LIN7A: variants seen among roughly 807,000 people sequenced by gnomAD.
LIN7A encodes the protein lin-7 cell polarity scaffold A, also known as protein lin-7 homolog A.
LIN7A carries 25 observed loss-of-function variants against 29.8 expected under a neutral mutation model. That is an observed-to-expected ratio of 0.84 (90% CI 0.61 to 1.17). The LOEUF (loss-of-function observed/expected upper bound fraction) is 1.17. LIN7A is among the 50% of genes most tolerant of loss of function. LIN7A has a pLI of 0.00. For synonymous variants in LIN7A, 118 were observed against 107.5 expected (o/e 1.10, Z -0.60); for missense variants, 239 against 287.0 (o/e 0.83, Z 1.21).
At chr12:80,874,701 C>T (rs1364848107) in intron 2 of LIN7A, among the ~76,000 whole-genome samples, 2 of 152,088 alleles carry the variant, frequency 1.3e-5, no homozygotes, top group South Asian at 2.1e-4. Context: ...AATAATGTTT[C>T]GGCTGGCCGC....
intron 2 of LIN7A, among the ~76,000 whole-genome samples, chr12:80,871,465 A>G (rs1434675807): frequency 6.6e-6 from 1 of 152,126 alleles, no homozygotes; most frequent in South Asian, 2.1e-4. Flanking sequence ...CCAATTAAAT[A>G]GTTTTATATA....
chr12:80,881,252 A>T (rs921101872), intron 2 of LIN7A, among the ~76,000 whole-genome samples: 1 of 152,374 alleles, frequency 6.6e-6, no homozygotes, highest in Admixed American at 6.5e-5. Context: ...CTTATCACAC[A>T]AGAAACAGTC....
intron 4 of LIN7A, among the ~76,000 whole-genome samples, chr12:80,814,043 A>C (rs1316253808): frequency 6.6e-6 from 1 of 152,176 alleles, no homozygotes; most frequent in Non-Finnish European, 1.5e-5. Context: ...AAATTGAGTT[A>C]CAGAAAAATA....
At chr12:80,809,929 G>A (rs1209185453) in intron 5 of LIN7A, among the ~76,000 whole-genome samples, 7 of 152,090 alleles carry the variant, frequency 4.6e-5, no homozygotes, top group African/African-American at 1.7e-4. Flanking sequence ...ATTATAATGC[G>A]ATATTTCAAT....
At chr12:80,899,442 C>T (rs1876081207) in intron 1 of LIN7A, among the ~76,000 whole-genome samples, 3 of 152,016 alleles carry the variant, frequency 2.0e-5, no homozygotes, top group Admixed American at 2.0e-4. Flanking sequence ...TTGAAGTTTT[C>T]TTTTTTGTTG....
chr12:80,869,179 T>C (rs77810306), intron 2 of LIN7A, among the ~76,000 whole-genome samples: 6,632 of 150,382 alleles, frequency 0.044, 273 homozygotes, highest in Admixed American at 0.15. Flanking sequence ...TATGTGTGTA[T>C]ATATACATAT....
chr12:80,886,746 A>G (rs187993486), intron 2 of LIN7A, among the ~76,000 whole-genome samples: 12 of 152,240 alleles, frequency 7.9e-5, no homozygotes, highest in African/African-American at 2.4e-4. Flanking sequence ...ATAGACTTCT[A>G]TGGACTACCA....
chr12:80,864,283 G>A (rs567925011), intron 2 of LIN7A, among the ~76,000 whole-genome samples: 89 of 151,178 alleles, frequency 5.9e-4, no homozygotes, highest in Middle Eastern at 3.4e-3. Flanking sequence ...CTTCACTTGG[G>A]ATCTGCATAA....
chr12:80,876,897 G>A (rs945716920), intron 2 of LIN7A, among the ~76,000 whole-genome samples: 12 of 152,068 alleles, frequency 7.9e-5, no homozygotes, highest in South Asian at 2.1e-4. Flanking sequence ...CGAGGCGGGC[G>A]GATTACCTGA....
chr12:80,932,147 T>A (rs1877948335), intron 1 of LIN7A, among the ~76,000 whole-genome samples: 1 of 152,112 alleles, frequency 6.6e-6, no homozygotes, highest in South Asian at 2.1e-4. Context: ...ACGCATGAAG[T>A]AATAAGCTCT....
chr12:80,845,615 T>A, intron 4 of LIN7A, 115 bp downstream of exon 4: 1 of 777,186 alleles, frequency 1.3e-6, no homozygotes, highest in Middle Eastern at 3.9e-4. Flanking sequence ...AGAAAGCTGG[T>A]TAGACATAAA....
At chr12:80,915,922 G>C (rs1877009461) in intron 1 of LIN7A, among the ~76,000 whole-genome samples, 1 of 152,076 alleles carries the variant, frequency 6.6e-6, no homozygotes, top group African/African-American at 2.4e-5. Context: ...CTGCCTATTG[G>C]GTACTATGCT....
At chr12:80,849,161 T>G (rs369336731) in intron 2 of LIN7A, among the ~76,000 whole-genome samples, 1 of 152,152 alleles carries the variant, frequency 6.6e-6, no homozygotes, top group African/African-American at 2.4e-5. Flanking sequence ...GAATCTCCAC[T>G]TAACAATTAT....
intron 4 of LIN7A, among the ~76,000 whole-genome samples, chr12:80,830,561 G>A (rs747634995): frequency 1.3e-5 from 2 of 152,004 alleles, no homozygotes; most frequent in Non-Finnish European, 2.9e-5. Context: ...CTTAATGTCT[G>A]GGGATTTAAA....
At chr12:80,800,527 T>C (rs1355928644) in intron 5 of LIN7A, among the ~76,000 whole-genome samples, 2 of 120,320 alleles carry the variant, frequency 1.7e-5, no homozygotes, top group African/African-American at 6.6e-5. Flanking sequence ...AAAGACACAA[T>C]CTGCTAAAAC....
intron 1 of LIN7A, among the ~76,000 whole-genome samples, chr12:80,891,776 T>A (rs1278520174): frequency 1.3e-5 from 2 of 151,986 alleles, no homozygotes; most frequent in African/African-American, 4.8e-5. Flanking sequence ...GAGTCCTAGG[T>A]AGGAGGTGTA....
intron 2 of LIN7A, among the ~76,000 whole-genome samples, chr12:80,849,731 T>G (rs1873238840): frequency 1.3e-5 from 2 of 152,202 alleles, no homozygotes; most frequent in South Asian, 4.1e-4. Context: ...TATTGAACTC[T>G]CCAAGTTACC....
At chr12:80,829,832 G>T (rs1324252273) in intron 4 of LIN7A, among the ~76,000 whole-genome samples, 2 of 152,154 alleles carry the variant, frequency 1.3e-5, no homozygotes, top group Non-Finnish European at 2.9e-5. Context: ...ATACTAATGA[G>T]ATCTGTGTTT....
chr12:80,924,394 C>T, intron 1 of LIN7A, among the ~76,000 whole-genome samples: 1 of 152,216 alleles, frequency 6.6e-6, no homozygotes, highest in African/African-American at 2.4e-5. Flanking sequence ...GAAAATGCAC[C>T]CCTGGGGAGA....
Sources: gnomAD v4.1 joint callset for allele counts (sites outside exome capture counted in the v4.1 genomes callset) on GRCh38, gnomAD v4.1.1 for gene constraint, MANE v1.5 for transcripts, NCBI Gene and HGNC (gene_info 2026-07-23, HGNC 2026-07-21) for gene names.